Variants in CSMD1 observed in about 807,000 individuals in gnomAD.
The protein encoded by CSMD1 is CUB and Sushi multiple domains 1.
A neutral mutation model predicts 417.5 loss-of-function variants in CSMD1; 213 were observed. That is an observed-to-expected ratio of 0.51 (90% CI 0.46 to 0.57). The LOEUF (loss-of-function observed/expected upper bound fraction) is 0.57. Ranked by LOEUF, CSMD1 falls within the 20% of genes least tolerant of loss-of-function variation. The probability of loss-of-function intolerance (pLI) is 0.00; values close to 1 mark genes in which losing one functional copy is unlikely to be tolerated. For synonymous variants in CSMD1, 2,862 were observed against 1,736.8 expected (o/e 1.65, Z -16.11); for missense variants, 6,923 against 4,529.7 (o/e 1.53, Z -15.17).
intron 1 of CSMD1, among the ~76,000 whole-genome samples, chr8:4,880,251 C>T (rs1803306973): frequency 6.6e-6 from 1 of 151,932 alleles, no homozygotes; most frequent in African/African-American, 2.4e-5. Flanking sequence ...TGACCTGTTC[C>T]CCAAAGGATG....
At chr8:3,946,019 A>T (rs756401416) in intron 5 of CSMD1, among the ~76,000 whole-genome samples, 5 of 152,160 alleles carry the variant, frequency 3.3e-5, no homozygotes, top group African/African-American at 4.8e-5. Flanking sequence ...TTTGCTCATA[A>T]CATTCTACGA....
At chr8:3,456,325 C>A in intron 12 of CSMD1, among the ~76,000 whole-genome samples, 1 of 152,170 alleles carries the variant, frequency 6.6e-6, no homozygotes, top group Non-Finnish European at 1.5e-5. Flanking sequence ...GTCCGACACT[C>A]CCCAGTGACA....
intron 23 of CSMD1, among the ~76,000 whole-genome samples, chr8:3,313,124 T>C (rs1805479668): frequency 6.6e-6 from 1 of 152,336 alleles, no homozygotes; most frequent in African/African-American, 2.4e-5. Context: ...AAATCTCAGA[T>C]GGATTAAAGA....
At chr8:4,921,700 G>A (rs997157726) in intron 1 of CSMD1, among the ~76,000 whole-genome samples, 2 of 152,128 alleles carry the variant, frequency 1.3e-5, no homozygotes, top group Non-Finnish European at 2.9e-5. Context: ...GTACAGGAAT[G>A]TGTATGCAAT....
At chr8:4,734,534 A>C (rs548926280) in intron 1 of CSMD1, among the ~76,000 whole-genome samples, 1 of 152,324 alleles carries the variant, frequency 6.6e-6, no homozygotes, top group East Asian at 1.9e-4. Flanking sequence ...AAGATTTAGA[A>C]ACGTATTTGG....
intron 2 of CSMD1, among the ~76,000 whole-genome samples, chr8:4,592,479 C>T (rs1454069927): frequency 1.3e-5 from 2 of 151,962 alleles, no homozygotes; most frequent in Non-Finnish European, 2.9e-5. Flanking sequence ...CTCCACCTGC[C>T]AGGTTTAAGC....
At chr8:4,932,601 A>G (rs566672666) in intron 1 of CSMD1, among the ~76,000 whole-genome samples, 2 of 152,226 alleles carry the variant, frequency 1.3e-5, no homozygotes, top group Admixed American at 6.5e-5. Context: ...ATTTTGGCAA[A>G]TAGACCCAAC....
chr8:4,958,867 T>A (rs1479511411), intron 1 of CSMD1, among the ~76,000 whole-genome samples: 1 of 152,188 alleles, frequency 6.6e-6, no homozygotes, highest in Non-Finnish European at 1.5e-5. Flanking sequence ...AGAAAGCAGG[T>A]AATTTATTGA....
At chr8:3,316,288 C>G (rs780763009) in intron 23 of CSMD1, among the ~76,000 whole-genome samples, 1 of 152,072 alleles carries the variant, frequency 6.6e-6, no homozygotes, top group Admixed American at 6.6e-5. Flanking sequence ...GTAATAATTA[C>G]TTGCCAATAA....
chr8:3,904,981 A>G (rs1466825122), intron 5 of CSMD1, among the ~76,000 whole-genome samples: 1 of 152,136 alleles, frequency 6.6e-6, no homozygotes, highest in Non-Finnish European at 1.5e-5. Flanking sequence ...GTCAAAGAGG[A>G]AGAAGTACCA....
chr8:4,559,892 G>T (rs1260014764), intron 2 of CSMD1, among the ~76,000 whole-genome samples: 1 of 152,158 alleles, frequency 6.6e-6, no homozygotes, highest in Non-Finnish European at 1.5e-5. Flanking sequence ...GAGCCTCTTT[G>T]GGTAACTTGG....
chr8:3,396,848 T>C (rs1042596366), intron 16 of CSMD1, among the ~76,000 whole-genome samples: 1 of 152,028 alleles, frequency 6.6e-6, no homozygotes, highest in Non-Finnish European at 1.5e-5. Context: ...AGAAGATCAT[T>C]AAAAATGTGT....
chr8:4,784,549 G>GT (rs1797306216), intron 1 of CSMD1, among the ~76,000 whole-genome samples: 1 of 152,120 alleles, frequency 6.6e-6, no homozygotes, highest in Non-Finnish European at 1.5e-5. Context: ...TTAAGATTTA[G>GT]TTTTTTCTAC....
At chr8:4,648,993 A>G (rs531278942) in intron 1 of CSMD1, among the ~76,000 whole-genome samples, 5 of 152,358 alleles carry the variant, frequency 3.3e-5, no homozygotes, top group African/African-American at 9.6e-5. Flanking sequence ...AGTGCCTTCA[A>G]TAAACATATC....
intron 5 of CSMD1, among the ~76,000 whole-genome samples, chr8:3,796,023 G>GTA (rs1482476222): frequency 3.4e-5 from 2 of 58,602 alleles, no homozygotes; most frequent in African/African-American, 5.3e-5. Context: ...TATATATCAT[G>GTA]TATAGATATA....
chr8:3,276,365 G>T (rs977276655), intron 26 of CSMD1, among the ~76,000 whole-genome samples: 1 of 152,146 alleles, frequency 6.6e-6, no homozygotes, highest in African/African-American at 2.4e-5. Flanking sequence ...CTTCTGTGTC[G>T]TTCACGCTGG....
In CSMD1 at chr8:4,265,901, A is replaced by C. The variant is rs1235029235; in HGVS notation, c.415+154052T>G. ...GATAAAGATTCCCACACAAATCCAA[A>C]ATAAAATGTGAAGAAATAGATTTCC... On this transcript the variant is annotated intron_variant, in intron 3 of 69. Transcript: ENST00000635120. 1.9e-5 allele frequency among the ~76,000 whole-genome samples: 2 copies of C among 104,372 alleles called. 1 individual carries two copies. Among genetic ancestry groups the C allele is most frequent in the Non-Finnish European group, 5.1e-5 (2 of 38,894 alleles). The allele number at this position is 104,372 out of a possible 152,430, so 68.5% of individuals were successfully genotyped here.
chr8:3,410,934 G>C (rs1003097518), intron 12 of CSMD1, among the ~76,000 whole-genome samples: 2 of 152,092 alleles, frequency 1.3e-5, no homozygotes, highest in Admixed American at 6.5e-5. Flanking sequence ...GGATGGAGGA[G>C]GAGGCAGTGA....
chr8:4,251,814 T>C (rs1803100438), intron 3 of CSMD1, among the ~76,000 whole-genome samples: 2 of 140,140 alleles, frequency 1.4e-5, no homozygotes, highest in Non-Finnish European at 3.0e-5. Flanking sequence ...GAAGGACAGA[T>C]GGAGGAGGAG....
Sources: gnomAD v4.1 joint callset for allele counts (sites outside exome capture counted in the v4.1 genomes callset) on GRCh38, gnomAD v4.1.1 for gene constraint, MANE v1.5 for transcripts, NCBI Gene and HGNC (gene_info 2026-07-23, HGNC 2026-07-21) for gene names.